The following ZFYVE28 variants were observed in gnomAD, a reference collection of about 807,000 sequenced individuals.
ZFYVE28 encodes zinc finger FYVE-type containing 28, also known as lateral signaling target protein 2 homolog.
In ZFYVE28, 40 loss-of-function variants were observed where a neutral mutation model predicts 82.1. The ratio of observed to expected loss-of-function variants is 0.49; its 90% CI spans 0.38 to 0.63. The LOEUF is 0.63. ZFYVE28 is among the 30% of genes least tolerant of loss of function. The pLI is 0.00. For missense variants in ZFYVE28, 1,321 were observed against 1,242.1 expected (o/e 1.06, Z -0.96); for synonymous variants, 612 against 546.1 (o/e 1.12, Z -1.68).
At chr4:2,298,649 G>A (rs531061443) in intron 8 of ZFYVE28, among the ~76,000 whole-genome samples, 3 of 152,310 alleles carry the variant, frequency 2.0e-5, no homozygotes, top group South Asian at 2.1e-4. Flanking sequence ...TGCTGAGCAC[G>A]GTGGACAAGT....
chr4:2,276,577 G>A (rs748655091), intron 8 of ZFYVE28, among the ~76,000 whole-genome samples: 1 of 152,204 alleles, frequency 6.6e-6, no homozygotes, highest in Admixed American at 6.5e-5. Flanking sequence ...TGGCAGAGGC[G>A]TGGATAAACC....
At chr4:2,309,349 T>A (rs1264344629) in intron 7 of ZFYVE28, among the ~76,000 whole-genome samples, 1 of 152,178 alleles carries the variant, frequency 6.6e-6, no homozygotes, top group Non-Finnish European at 1.5e-5. Flanking sequence ...TAAACGAACC[T>A]CCTTGCTTTA....
chr4:2,316,805 G>GC (rs1173673816), intron 7 of ZFYVE28, among the ~76,000 whole-genome samples: 1 of 151,508 alleles, frequency 6.6e-6, no homozygotes, highest in Non-Finnish European at 1.5e-5. Context: ...CAATTCTCCT[G>GC]CCTCAGCCTC....
chr4:2,390,990 T>C (rs1729757349), intron 1 of ZFYVE28, among the ~76,000 whole-genome samples: 1 of 152,218 alleles, frequency 6.6e-6, no homozygotes, highest in Admixed American at 6.5e-5. Flanking sequence ...CTGAAAGTCA[T>C]TTCATAGAAG....
At chr4:2,277,324 C>CA (rs1185672745) in intron 8 of ZFYVE28, among the ~76,000 whole-genome samples, 2 of 151,894 alleles carry the variant, frequency 1.3e-5, no homozygotes, top group Non-Finnish European at 2.9e-5. Context: ...TAATAAAATA[C>CA]AAAAAATTAG....
At chr4:2,363,662 T>G (rs572215502) in intron 1 of ZFYVE28, among the ~76,000 whole-genome samples, 1 of 152,208 alleles carries the variant, frequency 6.6e-6, no homozygotes, top group Non-Finnish European at 1.5e-5. Context: ...TATGTGAGCA[T>G]GTAGGTCACC....
intron 8 of ZFYVE28, among the ~76,000 whole-genome samples, chr4:2,295,173 G>GT (rs11392932): frequency 0.53 from 80,023 of 151,322 alleles, 21,574 homozygotes; most frequent in Admixed American, 0.59. Context: ...TTTTGTTTTC[G>GT]TTTTTTGAGA....
At chr4:2,404,281 C>G (rs1325749354) in intron 1 of ZFYVE28, among the ~76,000 whole-genome samples, 2 of 66,080 alleles carry the variant, frequency 3.0e-5, no homozygotes, top group African/African-American at 1.2e-4. Flanking sequence ...AAGATCGCGC[C>G]ACTGCAGGAC....
In ZFYVE28 at chr4:2,335,529, G is replaced by A. The variant is rs2071683; in HGVS notation, c.701+176C>T. ...GGTGAACAGGGGGCACTCAGGACAC[G>A]TGGTCCCCTGGTCTGCTGAGGGCTG... On this transcript the variant is annotated intron_variant, in intron 6 of 12. Coordinates refer to ENST00000290974, the MANE Select transcript of ZFYVE28 (RefSeq NM_020972.3). This position sits in a 1 kb window ranked among gnomAD's most constrained non-coding sequence, Gnocchi z 5.8. Among the ~76,000 whole-genome samples the A allele has an allele frequency of 0.14, 21,921 of 152,144 alleles. 2,258 individuals are homozygous for A. The highest frequency in any genetic ancestry group is 0.47 in the East Asian group (2,431 of 5,154).
chr4:2,368,209 T>TAAAAAAAAAAAAA (rs1727091837), intron 1 of ZFYVE28, among the ~76,000 whole-genome samples: 1 of 7,780 alleles, frequency 1.3e-4, no homozygotes, highest in Non-Finnish European at 2.6e-4. Flanking sequence ...AACACATCTC[T>TAAAAAAAAAAAAA]ACAAAAAAAA....
intron 1 of ZFYVE28, among the ~76,000 whole-genome samples, chr4:2,385,851 G>A (rs1050911137): frequency 1.4e-4 from 22 of 152,184 alleles, no homozygotes; most frequent in African/African-American, 5.1e-4. Flanking sequence ...CCCTCACAGG[G>A]GACCCATCTG....
intron 8 of ZFYVE28, among the ~76,000 whole-genome samples, chr4:2,277,809 CT>C: frequency 6.6e-6 from 1 of 152,196 alleles, no homozygotes; most frequent in African/African-American, 2.4e-5. Flanking sequence ...TGCCAACTGC[CT>C]TTTTTTCTTG....
chr4:2,417,843 G>A lies in ZFYVE28; in HGVS notation c.39+442C>T, dbSNP rs983390692. ...CTATTCCGGGCCCAGGACAATGGGG[G>A]TGGGGGCAGGACGGGAATGAGGGGG... On this transcript the variant is annotated intron_variant, in intron 1 of 12. Transcript: ENST00000290974. This position sits in a 1 kb window ranked among gnomAD's most constrained non-coding sequence, Gnocchi z 4.8. 2.0e-5 allele frequency among the ~76,000 whole-genome samples: 3 copies of A among 151,446 alleles called. No individual in the cohort carries two copies. The highest frequency in any genetic ancestry group is 2.9e-5 in the Non-Finnish European group (2 of 67,954).
At chr4:2,386,827 T>C (rs894341685) in intron 1 of ZFYVE28, among the ~76,000 whole-genome samples, 8 of 152,256 alleles carry the variant, frequency 5.3e-5, no homozygotes, top group African/African-American at 1.9e-4. Context: ...CTTTCAGCAG[T>C]AAAACCCCGC....
intron 6 of ZFYVE28, among the ~76,000 whole-genome samples, chr4:2,322,921 C>A (rs1285969476): frequency 6.6e-6 from 1 of 152,182 alleles, no homozygotes; most frequent in Admixed American, 6.5e-5. Context: ...CGAATGTTCC[C>A]GCGCATACAT....
intron 8 of ZFYVE28, among the ~76,000 whole-genome samples, chr4:2,301,323 G>A (rs546063324): frequency 6.6e-6 from 1 of 152,262 alleles, no homozygotes; most frequent in African/African-American, 2.4e-5. Context: ...ATGTGCTGCC[G>A]CCCGCTGACC....
chr4:2,300,851 C>T lies in ZFYVE28; in HGVS notation c.2051+3438G>A, dbSNP rs1005981982. ...GTCCACGCCACAACCACAGGGGCTG[C>T]AGGGGCGTCTGCCGGGCGAGCGGGT... On this transcript the variant is annotated intron_variant, in intron 8 of 12. Transcript: ENST00000290974. This position sits in a 1 kb window ranked among gnomAD's most constrained non-coding sequence, Gnocchi z 4.6. Among the ~76,000 whole-genome samples, 5 of 152,222 alleles carry T rather than the reference C, an allele frequency of 3.3e-5. No individual in the cohort carries two copies. Among genetic ancestry groups the T allele is most frequent in the African/African-American group, 9.6e-5 (4 of 41,464 alleles).
At chr4:2,369,847 TTTC>T (rs1436113743) in intron 1 of ZFYVE28, among the ~76,000 whole-genome samples, 1 of 139,140 alleles carries the variant, frequency 7.2e-6, no homozygotes, top group African/African-American at 2.6e-5. Flanking sequence ...TTTTTTTTCT[TTTC>T]TTTTTTTTTT....
chr4:2,412,562 C>A (rs977634371), intron 1 of ZFYVE28, among the ~76,000 whole-genome samples: 1 of 134,296 alleles, frequency 7.4e-6, no homozygotes, highest in African/African-American at 2.5e-5. Context: ...CCGGCAACCA[C>A]TGAAGACAAG....
Sources: allele counts gnomAD v4.1 joint callset (sites outside exome capture counted in the v4.1 genomes callset), GRCh38; gene constraint gnomAD v4.1.1; non-coding constraint Gnocchi (gnomAD v3.1); transcripts MANE v1.5; gene names NCBI Gene and HGNC (gene_info 2026-07-23, HGNC 2026-07-21).